CEP85L: variants seen among roughly 807,000 people sequenced by gnomAD.
CEP85L encodes centrosomal protein of 85 kDa-like.
A neutral mutation model predicts 100.3 loss-of-function variants in CEP85L; 60 were observed. The observed-to-expected ratio is 0.60, with a 90% CI of 0.49 to 0.74. The LOEUF (loss-of-function observed/expected upper bound fraction) is 0.74. Among genes scored for constraint, CEP85L ranks in the 30% least tolerant of loss-of-function variants. CEP85L has a pLI of 0.00. For synonymous variants in CEP85L, 319 were observed against 322.7 expected, an observed-to-expected ratio of 0.99 and a Z score of 0.12; for missense variants, 973 against 936.2, an observed-to-expected ratio of 1.04 and a Z score of -0.51.
chr6:118,483,701 G>A lies in CEP85L; in HGVS notation c.1590+5C>T. The A allele has an allele frequency of 1.3e-6, 2 of 1,599,450 alleles. No individual in the cohort carries two copies. Among genetic ancestry groups the A allele is most frequent in the Non-Finnish European group, 1.7e-6 (2 of 1,175,888 alleles). On this transcript the variant is annotated splice_donor_5th_base_variant and intron_variant, in intron 7 of 12. Coordinates refer to ENST00000368491, the MANE Select transcript of CEP85L (RefSeq NM_001042475.3). ...TTTAAAGATAAGCATTTTATTTCATGTTACCTGTAGACTCTGACTCTGTAC... is the reference window on the plus strand; with the variant it reads ...TTTAAAGATAAGCATTTTATTTCATATTACCTGTAGACTCTGACTCTGTAC...
chr6:118,577,068 C>T (rs2115055383), intron 2 of CEP85L, among the ~76,000 whole-genome samples: 1 of 152,268 alleles, frequency 6.6e-6, no homozygotes, highest in East Asian at 1.9e-4. Context: ...GCTGCTATTC[C>T]TAGAAGTGAA....
At chr6:118,539,066 C>T (rs1407003244) in intron 3 of CEP85L, among the ~76,000 whole-genome samples, 1 of 152,028 alleles carries the variant, frequency 6.6e-6, no homozygotes, top group Non-Finnish European at 1.5e-5. Context: ...CACTATATAA[C>T]CAGCTTCTAC....
At chr6:118,555,500 A>AATAAGCAAATATCAAC (rs376314551) in intron 3 of CEP85L, among the ~76,000 whole-genome samples, 22 of 152,290 alleles carry the variant, frequency 1.4e-4, no homozygotes, top group African/African-American at 4.8e-4. Flanking sequence ...CTAGATCTAC[A>AATAAGCAAATATCAAC]ATAAGCAAAT....
chr6:118,507,475 G>A (rs1775724390), intron 5 of CEP85L, among the ~76,000 whole-genome samples: 1 of 152,090 alleles, frequency 6.6e-6, no homozygotes, highest in African/African-American at 2.4e-5. Flanking sequence ...AGGATACTTT[G>A]GAGGTGAAAG....
intron 1 of CEP85L, among the ~76,000 whole-genome samples, chr6:118,663,702 G>A (rs1387282553): frequency 6.6e-6 from 1 of 152,036 alleles, no homozygotes; most frequent in African/African-American, 2.4e-5. Flanking sequence ...TACCCAAGAG[G>A]GATTGGTTCC....
chr6:118,496,572 CTCG>C (rs911008022), intron 5 of CEP85L, among the ~76,000 whole-genome samples: 1 of 152,020 alleles, frequency 6.6e-6, no homozygotes, highest in African/African-American at 2.4e-5. Context: ...TCAGGCTGGT[CTCG>C]AACTCCTGAC....
chr6:118,629,226 G>A (rs977424407), intron 2 of CEP85L, among the ~76,000 whole-genome samples: 7 of 152,108 alleles, frequency 4.6e-5, no homozygotes, highest in African/African-American at 1.4e-4. Context: ...GGTATCAGGG[G>A]TCCTGGAACC....
At chr6:118,595,661 A>G (rs1781425267) in intron 2 of CEP85L, among the ~76,000 whole-genome samples, 1 of 152,226 alleles carries the variant, frequency 6.6e-6, no homozygotes, top group Admixed American at 6.5e-5. Context: ...TCGTACATAT[A>G]ATGCATGAAG....
intron 2 of CEP85L, among the ~76,000 whole-genome samples, chr6:118,625,204 C>T (rs1016261305): frequency 1.3e-5 from 2 of 152,240 alleles, no homozygotes; most frequent in Non-Finnish European, 2.9e-5. Context: ...TACCAGTGAC[C>T]TCAGGTTTCA....
At chr6:118,658,489 A>G (rs1775870180) in intron 1 of CEP85L, among the ~76,000 whole-genome samples, 2 of 152,146 alleles carry the variant, frequency 1.3e-5, no homozygotes, top group African/African-American at 4.8e-5. Context: ...TGCCGTCCTT[A>G]TAATCTCTCA....
intron 1 of CEP85L, among the ~76,000 whole-genome samples, chr6:118,668,332 T>A (rs1776193621): frequency 6.6e-6 from 1 of 152,208 alleles, no homozygotes; most frequent in Non-Finnish European, 1.5e-5. Flanking sequence ...CAAAGGGACC[T>A]GAAGTCCCAT....
chr6:118,630,589 T>C (rs2115315190), intron 2 of CEP85L, among the ~76,000 whole-genome samples: 1 of 152,324 alleles, frequency 6.6e-6, no homozygotes, highest in East Asian at 1.9e-4. Context: ...GACAATGGGA[T>C]ATTACTCAGC....
intron 3 of CEP85L, among the ~76,000 whole-genome samples, chr6:118,544,443 GGTTACC>G (rs1364132721): frequency 6.6e-6 from 1 of 152,052 alleles, no homozygotes; most frequent in Non-Finnish European, 1.5e-5. Flanking sequence ...TTGCACTAGT[GGTTACC>G]TTCTAAATGT....
At chr6:118,630,519 A>G (rs573865929) in intron 2 of CEP85L, among the ~76,000 whole-genome samples, 2 of 152,202 alleles carry the variant, frequency 1.3e-5, no homozygotes, top group Non-Finnish European at 1.5e-5. Context: ...AATTGCCAAA[A>G]CCTGGAAACA....
intron 1 of CEP85L, among the ~76,000 whole-genome samples, chr6:118,641,633 G>A (rs936735080): frequency 6.6e-6 from 1 of 152,102 alleles, no homozygotes; most frequent in Non-Finnish European, 1.5e-5. Flanking sequence ...TGGTTAAGCA[G>A]ATTTGCATAT....
chr6:118,500,027 G>A (rs1322953677), intron 5 of CEP85L, among the ~76,000 whole-genome samples: 1 of 152,148 alleles, frequency 6.6e-6, no homozygotes, highest in Non-Finnish European at 1.5e-5. Context: ...CTGGCTAGGT[G>A]CAGTGGCTCA....
chr6:118,482,872 G>A (rs564503002), intron 7 of CEP85L, among the ~76,000 whole-genome samples: 2 of 152,138 alleles, frequency 1.3e-5, no homozygotes, highest in Non-Finnish European at 2.9e-5. Flanking sequence ...AGGTCTTAAA[G>A]TATGCAGAGT....
intron 1 of CEP85L, among the ~76,000 whole-genome samples, chr6:118,697,762 T>C (rs1002666329): frequency 3.9e-5 from 6 of 152,182 alleles, no homozygotes; most frequent in African/African-American, 1.4e-4. Flanking sequence ...ACATATATAC[T>C]ATTTCCACTC....
chr6:118,701,363 G>A (rs1777399686), intron 1 of CEP85L, among the ~76,000 whole-genome samples: 1 of 152,138 alleles, frequency 6.6e-6, no homozygotes, highest in Non-Finnish European at 1.5e-5. Context: ...GCAAAGACAT[G>A]AAATCAACCT....
Sources: gnomAD v4.1 joint callset for allele counts (sites outside exome capture counted in the v4.1 genomes callset) on GRCh38, gnomAD v4.1.1 for gene constraint, MANE v1.5 for transcripts, NCBI Gene and HGNC (gene_info 2026-07-23, HGNC 2026-07-21) for gene names.